The following AR variants were observed in gnomAD, a reference collection of about 807,000 sequenced individuals.
AR encodes the protein androgen receptor.
A neutral mutation model predicts 53.9 loss-of-function variants in AR; 8 were observed. The observed-to-expected ratio is 0.15, with a 90% CI of 0.09 to 0.27. AR has a LOEUF of 0.27. AR is among the 10% of genes least tolerant of loss of function. AR has a pLI of 1.00. For synonymous variants in AR, 359 were observed against 316.4 expected (o/e 1.13, Z -1.43); for missense variants, 639 against 742.5 (o/e 0.86, Z 1.62).
rs779789625 is a variant in AR, at chrX:67,546,141, C to T, written c.995C>T (p.Ala332Val). 8.3e-7 allele frequency: 1 copy of T among 1,211,257 alleles called. No homozygotes were observed. The highest frequency in any genetic ancestry group is 2.2e-5 in the Admixed American group (1 of 46,055). ...GESLGCSGSA[A>V]AGSSGTLELP... ...AGCCTAGGCTGCTCTGGCAGCGCTG[C>T]AGCAGGGAGCTCCGGGACACTTGAA... Residue 332 changes from alanine to valine, a missense_variant, in exon 1 of 8, where the codon GCA (alanine) becomes GTA (valine). By Grantham distance (64) the Ala-to-Val change is moderately conservative. This residue lies in a region of AR where 423 missense variants were observed against 377.0 expected (regional missense o/e 1.12). Transcript: ENST00000374690.
intron 1 of AR, among the ~76,000 whole-genome samples, chrX:67,593,540 C>T (rs959584324): frequency 9.1e-6 from 1 of 109,861 alleles, no homozygotes; most frequent in Non-Finnish European, 1.9e-5. Context: ...TTAGTAGAGT[C>T]GGGGTTTCGC....
chrX:67,675,631 G>A (rs1246215711), intron 2 of AR, among the ~76,000 whole-genome samples: 1 of 111,783 alleles, frequency 8.9e-6, no homozygotes, highest in Non-Finnish European at 1.9e-5. Context: ...TCCCAAGCCT[G>A]CTCTGAACAC....
intron 3 of AR, among the ~76,000 whole-genome samples, chrX:67,692,642 C>G (rs1305141687): frequency 8.9e-6 from 1 of 112,055 alleles, no homozygotes; most frequent in Non-Finnish European, 1.9e-5. Flanking sequence ...TCTCCAACCA[C>G]ACTGTGGGAA....
intron 3 of AR, chrX:67,689,645 A>G (rs1316001726): frequency 2.1e-6 from 2 of 932,156 alleles, no homozygotes; most frequent in African/African-American, 2.1e-5. Context: ...TCAGCTGCTC[A>G]TCCACAACAG....
chrX:67,701,259 C>T (rs768066508), intron 3 of AR, among the ~76,000 whole-genome samples: 17 of 110,635 alleles, frequency 1.5e-4, no homozygotes, highest in Non-Finnish European at 2.7e-4. Context: ...CTTACGTAGC[C>T]CACATGTGGC....
In AR at chrX:67,723,999, CTT is replaced by C. The variant is rs879239848; in HGVS notation, c.*166_*167del. 40 of 693,828 alleles carry C rather than the reference CTT, an allele frequency of 5.8e-5. No individual in the cohort carries two copies. The highest frequency in any genetic ancestry group is 5.1e-4 in the Middle Eastern group (1 of 1,944). The allele number at this position is 693,828 out of a possible 1,213,427, so 57.2% of individuals were successfully genotyped here. ...ATGTTCCTGAATTCTATTTGCTGGG[CTT>C]TTTTTTTCTCTTTCTCTCCTTTCTT... is the stretch of plus-strand genomic sequence containing the variant. On this transcript the variant is annotated 3_prime_UTR_variant, in exon 8 of 8. Coordinates refer to ENST00000374690, the MANE Select transcript of AR (RefSeq NM_000044.6).
chrX:67,552,764 G>C (rs1395074001), intron 1 of AR, among the ~76,000 whole-genome samples: 3 of 111,708 alleles, frequency 2.7e-5, no homozygotes, highest in Non-Finnish European at 5.7e-5. Context: ...CCTCATTGTG[G>C]CTTTTATTTC....
Position 67,567,908 on chromosome X carries a change from G to A in AR, c.1616+21146G>A, listed in dbSNP as rs1458782603. Among the ~76,000 whole-genome samples the A allele has an allele frequency of 2.7e-5, 3 of 111,824 alleles. No homozygotes were observed. In the Admixed American group the frequency reaches 2.8e-4, roughly 11 times the overall value. On this transcript the variant is annotated intron_variant, in intron 1 of 7. Coordinates refer to ENST00000374690, the MANE Select transcript of AR (RefSeq NM_000044.6). ...CTTCTCCTGTTTTTTCTAAAAGCCT[G>A]TGCATGTGTGGTGTAAGGGGTGGGT...
intron 1 of AR, among the ~76,000 whole-genome samples, chrX:67,583,532 G>T (rs902347277): frequency 1.8e-5 from 2 of 111,751 alleles, no homozygotes; most frequent in African/African-American, 6.5e-5. Flanking sequence ...CTAATGGAGT[G>T]ATTTGAGAGG....
intron 3 of AR, chrX:67,694,628 C>T (rs1023206863): frequency 5.2e-6 from 6 of 1,150,075 alleles, no homozygotes; most frequent in Admixed American, 2.6e-5. Context: ...GATACAAGCC[C>T]GTATTTAGAC....
chrX:67,703,641 T>C (rs1356767872), intron 3 of AR, among the ~76,000 whole-genome samples: 3 of 112,256 alleles, frequency 2.7e-5, no homozygotes, highest in African/African-American at 9.7e-5. Flanking sequence ...TTACAGTGCA[T>C]TTTTTTAAAT....
intron 1 of AR, among the ~76,000 whole-genome samples, chrX:67,555,619 A>G (rs990212815): frequency 1.8e-5 from 2 of 112,490 alleles, no homozygotes; most frequent in African/African-American, 6.5e-5. Context: ...GAATTGCACA[A>G]ACCAAACAAT....
intron 2 of AR, among the ~76,000 whole-genome samples, chrX:67,653,703 G>A (rs73227880): frequency 6.0e-3 from 666 of 111,063 alleles, no homozygotes; most frequent in Non-Finnish European, 8.7e-3. Context: ...CTAGGCTGGT[G>A]TCTGGGATTT....
Position 67,723,878 on chromosome X carries a change from C to A in AR, c.*37C>A. ...CCCTATTTCCCCACCCCAGCTCATGCCCCCTTTCAGATGTCTTCTGCCTGT... is the reference window on the plus strand; with the variant it reads ...CCCTATTTCCCCACCCCAGCTCATGACCCCTTTCAGATGTCTTCTGCCTGT... On this transcript the variant is annotated 3_prime_UTR_variant, in exon 8 of 8. Coordinates refer to ENST00000374690, the MANE Select transcript of AR (RefSeq NM_000044.6). 8.3e-7 allele frequency: 1 copy of A among 1,202,017 alleles called. No individual in the cohort carries two copies. The highest frequency in any genetic ancestry group is 1.8e-5 in the South Asian group (1 of 56,806).
At chrX:67,589,747 A>G (rs1922737970) in intron 1 of AR, among the ~76,000 whole-genome samples, 1 of 111,618 alleles carries the variant, frequency 9.0e-6, no homozygotes, top group Non-Finnish European at 1.9e-5. Context: ...TTTGGTGTGC[A>G]TGGAGGTTGG....
intron 1 of AR, among the ~76,000 whole-genome samples, chrX:67,554,206 GTAA>G (rs777648971): frequency 4.5e-5 from 5 of 112,082 alleles, no homozygotes; most frequent in Admixed American, 9.4e-5. Context: ...AAGGCAGTGA[GTAA>G]TAATAATAAT....
At chrX:67,631,785 G>C (rs201163855) in intron 1 of AR, among the ~76,000 whole-genome samples, 20 of 112,250 alleles carry the variant, frequency 1.8e-4, no homozygotes, top group Admixed American at 1.3e-3. Context: ...TACTTTTGGT[G>C]TTTGATGATG....
intron 1 of AR, among the ~76,000 whole-genome samples, chrX:67,637,896 C>A (rs994088615): frequency 9.1e-6 from 1 of 110,464 alleles, no homozygotes; most frequent in African/African-American, 3.3e-5. Flanking sequence ...TACATAGGTA[C>A]ACACATGCCA....
chrX:67,609,874 T>G (rs769726693), intron 1 of AR, among the ~76,000 whole-genome samples: 70 of 112,105 alleles, frequency 6.2e-4, no homozygotes, highest in Non-Finnish European at 9.6e-4. Context: ...TTTTAAATTG[T>G]AATTTAAGGG....
Sources: allele counts gnomAD v4.1 joint callset (sites outside exome capture counted in the v4.1 genomes callset), GRCh38; gene constraint gnomAD v4.1.1; regional missense constraint gnomAD v4.1.1; transcripts MANE v1.5; gene names NCBI Gene and HGNC (gene_info 2026-07-23, HGNC 2026-07-21).